SHOX: variants seen among roughly 807,000 people sequenced by gnomAD.
SHOX encodes the protein short stature homeobox protein.
Under a neutral mutation model 29.6 loss-of-function variants are expected in SHOX, and 12 were observed. That is an observed-to-expected ratio of 0.41 (90% CI 0.26 to 0.66). The LOEUF (loss-of-function observed/expected upper bound fraction) is 0.66. SHOX is among the 30% of genes least tolerant of loss of function. The pLI is 0.35. For missense variants in SHOX, 499 were observed against 437.7 expected (o/e 1.14, Z -1.25); for synonymous variants, 214 against 200.6 (o/e 1.07, Z -0.57).
At chrX:633,862 G>C (rs1047272128) in intron 1 of SHOX, among the ~76,000 whole-genome samples, 1 of 152,144 alleles carries the variant, frequency 6.6e-6, no homozygotes, top group African/African-American at 2.4e-5. Context: ...AGGAAGAAAA[G>C]GTTTTTCACC....
downstream of SHOX, among the ~76,000 whole-genome samples, chrX:653,428 C>G (rs2053095828): frequency 6.6e-6 from 1 of 152,124 alleles, no homozygotes; most frequent in Non-Finnish European, 1.5e-5. Context: ...TTTGAGAGAT[C>G]TTTTCCCTTA....
chrX:634,939 C>A, intron 2 of SHOX, 113 bp downstream of exon 2: 1 of 1,177,320 alleles, frequency 8.5e-7, no homozygotes. Flanking sequence ...CTTCCCGGAG[C>A]GCGGGGAGGT....
In SHOX at chrX:644,697, C is replaced by A; in HGVS notation, c.*61C>A. 1.5e-6 allele frequency: 2 copies of A among 1,371,400 alleles called. No homozygotes were observed. The highest frequency in any genetic ancestry group is 3.0e-5 in the East Asian group (1 of 32,886). The allele number at this position is 1,371,400 out of a possible 1,614,324, so 85.0% of individuals were successfully genotyped here. A position where few individuals can be genotyped will look rare whatever the true frequency, so the allele number is the denominator to read the frequency against. The stretch of plus-strand genomic sequence containing the variant: ...GGCTCCGCGCACCCCGCCTGCACCG[C>A]GCGTCCTGCACTCAACCCCGCCTGG... On this transcript the variant is annotated 3_prime_UTR_variant, in exon 5 of 5. Coordinates refer to ENST00000686671, the MANE Select transcript of SHOX (RefSeq NM_000451.4).
intron 1 of SHOX, chrX:624,725 C>CTTTCTTTCTT (rs1311383249): frequency 2.2e-5 from 3 of 136,852 alleles, no homozygotes; most frequent in African/African-American, 2.9e-5. Context: ...TTCTTTCTTT[C>CTTTCTTTCTT]TTTCTTTCTT....
At chrX:653,289 C>G (rs1277702325), downstream of SHOX, among the ~76,000 whole-genome samples, 1 of 151,992 alleles carries the variant, frequency 6.6e-6, no homozygotes, top group African/African-American at 2.4e-5. Flanking sequence ...TAAAATAAAA[C>G]GTTCAGCTTT....
intron 4 of SHOX, among the ~76,000 whole-genome samples, chrX:642,228 C>CGGCGCAGCGGCCCGG (rs1352055727): frequency 6.6e-6 from 1 of 151,716 alleles, no homozygotes; most frequent in Non-Finnish European, 1.5e-5. Flanking sequence ...GCGCAGCGCC[C>CGGCGCAGCGGCCCGG]GGCTGCGGTG....
At chrX:633,928 A>G (rs1316992395) in intron 1 of SHOX, among the ~76,000 whole-genome samples, 5 of 152,196 alleles carry the variant, frequency 3.3e-5, no homozygotes, top group Non-Finnish European at 5.9e-5. Flanking sequence ...GCAAATACAG[A>G]CAGGTCACCA....
At chrX:638,714 C>G (rs191583173) in intron 2 of SHOX, among the ~76,000 whole-genome samples, 39 of 152,152 alleles carry the variant, frequency 2.6e-4, no homozygotes, top group African/African-American at 9.4e-4. Context: ...CTCCCAAACT[C>G]TGAGGGTTTT....
upstream of SHOX, among the ~76,000 whole-genome samples, chrX:626,526 C>G (rs1205069986): frequency 1.6e-5 from 1 of 62,702 alleles, no homozygotes; most frequent in South Asian, 4.7e-4. Flanking sequence ...CTGTCTCTCT[C>G]TGTGTCTCTA....
At chrX:638,861 G>A (rs1004183801) in intron 2 of SHOX, among the ~76,000 whole-genome samples, 8 of 152,206 alleles carry the variant, frequency 5.3e-5, no homozygotes, top group African/African-American at 1.9e-4. Flanking sequence ...GGCGGAGGAC[G>A]CCTGTTCTCT....
intron 2 of SHOX, 54 bp from the exon 3 acceptor site, chrX:640,767 G>A: frequency 2.5e-6 from 4 of 1,598,622 alleles, no homozygotes; most frequent in Non-Finnish European, 3.4e-6. Context: ...GCTCCCTGGG[G>A]AGGCTGGGCT....
intron 1 of SHOX, chrX:632,041 C>G (rs1220000536): frequency 4.4e-6 from 2 of 454,270 alleles, no homozygotes; most frequent in African/African-American, 4.0e-5. Context: ...TTAAGGAACC[C>G]TTCATTATTA....
exon 6 of SHOX, chrX:658,932 T>C (rs1465673635): frequency 7.9e-6 from 2 of 251,930 alleles, no homozygotes; most frequent in East Asian, 2.5e-4. Flanking sequence ...GTCAAGATAA[T>C]GTTTGTATTT....
upstream of SHOX, among the ~76,000 whole-genome samples, chrX:627,899 G>A (rs1382914753): frequency 6.6e-6 from 1 of 152,170 alleles, no homozygotes; most frequent in African/African-American, 2.4e-5. Flanking sequence ...ACAGTGAGCA[G>A]CTGTGAGAGG....
chrX:629,537 A>AT (rs1176638442), upstream of SHOX, among the ~76,000 whole-genome samples: 4 of 104,874 alleles, frequency 3.8e-5, no homozygotes, highest in South Asian at 1.3e-3. Flanking sequence ...CTCTCTCTCC[A>AT]TCTCCCCGTC....
chrX:630,613 CCAAA>C (rs1371301810), upstream of SHOX: 2 of 574,176 alleles, frequency 3.5e-6, no homozygotes, highest in Non-Finnish European at 6.2e-6. Context: ...TGTACGGACG[CCAAA>C]CAGTGATGAA....
chrX:632,271 C>T (rs2052664623), intron 1 of SHOX, among the ~76,000 whole-genome samples: 1 of 151,934 alleles, frequency 6.6e-6, no homozygotes, highest in Non-Finnish European at 1.5e-5. Context: ...CCTCCTGAGA[C>T]CTCAGTGGTG....
At chrX:652,497 C>T (rs1197362670), downstream of SHOX, among the ~76,000 whole-genome samples, 1 of 151,768 alleles carries the variant, frequency 6.6e-6, no homozygotes, top group African/African-American at 2.4e-5. Context: ...ACAGGGTTCC[C>T]ACCGCGGTTA....
In SHOX at chrX:651,468, T is replaced by A. The variant is rs1192296281; in HGVS notation, c.*6832T>A. 2.2e-6 allele frequency: 1 copy of A among 445,458 alleles called. No individual in the cohort carries two copies. The highest frequency in any genetic ancestry group is 7.0e-5 in the East Asian group (1 of 14,322). 27.6% of individuals were successfully genotyped at this position (445,458 alleles called of 1,614,324 possible). ...TTCTCTGGTGACGCCCTCATTCTCC[T>A]AACGTTCAATAATCTCAATGTTGAG... On this transcript the variant is annotated 3_prime_UTR_variant, in exon 5 of 5. Coordinates refer to ENST00000686671, the MANE Select transcript of SHOX (RefSeq NM_000451.4).
Sources: allele counts gnomAD v4.1 joint callset (sites outside exome capture counted in the v4.1 genomes callset), GRCh38; gene constraint gnomAD v4.1.1; transcripts MANE v1.5; gene names NCBI Gene and HGNC (gene_info 2026-07-23, HGNC 2026-07-21).